Variants in ZER1 observed in about 807,000 individuals in gnomAD.
The protein encoded by ZER1 is zyg-11 related cell cycle regulator, also known as protein zer-1 homolog.
In ZER1, 11 loss-of-function variants were observed where a neutral mutation model predicts 78.8. The ratio of observed to expected loss-of-function variants is 0.14; its 90% confidence interval spans 0.09 to 0.23. ZER1 has a LOEUF of 0.23. ZER1 is among the 10% of genes least tolerant of loss of function. The pLI, the probability that ZER1 is intolerant of heterozygous loss-of-function variation, is 1.00. For synonymous variants in ZER1, 400 were observed against 407.0 expected (o/e 0.98, Z 0.21); for missense variants, 588 against 996.9 (o/e 0.59, Z 5.52).
At chr9:128,758,335 A>G (rs1282974342) in intron 1 of ZER1, among the ~76,000 whole-genome samples, 4 of 152,074 alleles carry the variant, frequency 2.6e-5, no homozygotes, top group African/African-American at 9.7e-5. Context: ...CATGTTGGCC[A>G]GGCTGGTCTC....
At chr9:128,735,761 G>GTTTTTTTT (rs1564391224) in intron 13 of ZER1, among the ~76,000 whole-genome samples, 1 of 26,790 alleles carries the variant, frequency 3.7e-5, no homozygotes, top group African/African-American at 1.2e-4. Flanking sequence ...GTGTGACCTG[G>GTTTTTTTT]TTTTTTTTTT....
rs559294700 is a variant in ZER1 at position 128,748,900 on chromosome 9, G to T, written c.1359+1716C>A. Reference sequence around the variant, plus strand: ...TTTTGTATTTTTTAGTAGAGATGGGGTTTCGCCATGTTGGCCAGGCTGGTC... The same window carrying T: ...TTTTGTATTTTTTAGTAGAGATGGGTTTTCGCCATGTTGGCCAGGCTGGTC... On this transcript the variant is annotated intron_variant, in intron 8 of 15. Coordinates refer to ENST00000291900, the MANE Select transcript of ZER1 (RefSeq NM_006336.4). 3.2e-4 allele frequency among the ~76,000 whole-genome samples: 48 copies of T among 149,722 alleles called. 1 individual carries two copies. In the South Asian group the frequency reaches 9.6e-3, roughly 30 times the overall value.
rs1862805506 is a variant in ZER1, at chr9:128,731,234, C to T, written c.*103G>A. 1 of 1,086,756 alleles carries T rather than the reference C, an allele frequency of 9.2e-7. No individual in the cohort carries two copies. 67.3% of individuals were successfully genotyped at this position (1,086,756 alleles called of 1,614,324 possible). The stretch of plus-strand genomic sequence containing the variant: ...CAAAAGTCCCCCATGTCTCTTCACT[C>T]CGTGGGAGGCTCCCTCGGAAGGGGC... On this transcript the variant is annotated 3_prime_UTR_variant, in exon 16 of 16. Transcript: ENST00000291900.
chr9:128,747,563 CT>C (rs1863534258), intron 8 of ZER1, among the ~76,000 whole-genome samples: 1 of 152,162 alleles, frequency 6.6e-6, no homozygotes, highest in South Asian at 2.1e-4. Context: ...TTAATACATT[CT>C]TGTATCACTT....
chr9:128,768,477 T>G (rs1349193142), intron 1 of ZER1, among the ~76,000 whole-genome samples: 1 of 152,124 alleles, frequency 6.6e-6, no homozygotes, highest in South Asian at 2.1e-4. Flanking sequence ...ATAGGAAAAC[T>G]GAGGCCCAGA....
At chr9:128,769,853 A>C (rs2132501044) in intron 1 of ZER1, among the ~76,000 whole-genome samples, 1 of 152,332 alleles carries the variant, frequency 6.6e-6, no homozygotes, top group South Asian at 2.1e-4. Flanking sequence ...ATCAATGGTC[A>C]TTACAAAGAT....
intron 13 of ZER1, 87 bp from the exon 14 acceptor site, chr9:128,735,518 T>C: frequency 1.5e-6 from 2 of 1,293,982 alleles, no homozygotes; most frequent in Non-Finnish European, 2.1e-6. Flanking sequence ...CACTGGAGAA[T>C]CCTAGTGACC....
chr9:128,767,975 T>TA (rs2132495238), intron 1 of ZER1, among the ~76,000 whole-genome samples: 1 of 152,350 alleles, frequency 6.6e-6, no homozygotes, highest in African/African-American at 2.4e-5. Context: ...TCAAGGTCCT[T>TA]ACCTGTCAGC....
At chr9:128,745,355 T>TA (rs542163034) in intron 8 of ZER1, among the ~76,000 whole-genome samples, 4 of 151,598 alleles carry the variant, frequency 2.6e-5, no homozygotes, top group African/African-American at 7.3e-5. Context: ...TCTGGCCAAT[T>TA]AAAAAAAAAT....
chr9:128,753,941 G>A lies in ZER1; in HGVS notation c.177C>T (p.Asn59=), dbSNP rs774686604. 29 of 1,589,026 alleles carry A rather than the reference G, an allele frequency of 1.8e-5. No individual in the cohort carries two copies. The Admixed American group carries it at 2.9e-4, about 16-fold the overall frequency. ...RLVNEYVELV[N]AACNFEPHES... is the part of the protein sequence containing the mutation. ...CGTGTGGCTCGAAGTTACAGGCAGC[G>A]TTCACCAGCTCCACATACCTGGGAG... Residue 59 remains asparagine (N), a synonymous_variant, in exon 3 of 16, where the codon AAC becomes AAT. Coordinates refer to ENST00000291900, the MANE Select transcript of ZER1 (RefSeq NM_006336.4). This position sits in a 1 kb window ranked among gnomAD's most constrained non-coding sequence, Gnocchi z 7.5.
At chr9:128,762,108 G>A (rs1478360783) in intron 1 of ZER1, among the ~76,000 whole-genome samples, 3 of 150,652 alleles carry the variant, frequency 2.0e-5, no homozygotes, top group Non-Finnish European at 4.4e-5. Flanking sequence ...TGACATTTAT[G>A]GACTTTTTTT....
Position 128,742,643 on chromosome 9 carries a change from G to C in ZER1, c.1462C>G (p.Pro488Ala). The C allele has an allele frequency of 6.2e-7, 1 of 1,614,252 alleles. No homozygotes were observed. The highest frequency in any genetic ancestry group is 8.5e-7 in the Non-Finnish European group (1 of 1,180,054). The change falls in exon 9 of 16, where the codon CCC becomes GCC. Residue 488 changes from proline (P) to alanine (A), a missense_variant. This residue lies in a region of ZER1 where 406 missense variants were observed against 660.1 expected (regional missense o/e 0.62). Coordinates refer to ENST00000291900, the MANE Select transcript of ZER1 (RefSeq NM_006336.4). ...VNELLLSILN[P>A]TRQDESIQRI... is the part of the protein sequence containing the mutation. ...TGGATAGACTCGTCCTGCCGCGTGG[G>C]GTTGAGGATGCTGAGCAGGAGCTCG...
At chr9:128,744,659 A>T (rs1331291571) in intron 8 of ZER1, among the ~76,000 whole-genome samples, 2 of 149,350 alleles carry the variant, frequency 1.3e-5, no homozygotes, top group African/African-American at 5.0e-5. Flanking sequence ...TTGTATTTTT[A>T]GTAGAGACAG....
At chr9:128,759,864 TTTTG>T (rs769980884) in intron 1 of ZER1, among the ~76,000 whole-genome samples, 19 of 152,164 alleles carry the variant, frequency 1.2e-4, no homozygotes, top group Non-Finnish European at 2.2e-4. Flanking sequence ...GTATGTATTT[TTTTG>T]TTTGTTTGTT....
chr9:128,748,067 C>T (rs1167907022), intron 8 of ZER1, among the ~76,000 whole-genome samples: 1 of 152,014 alleles, frequency 6.6e-6, no homozygotes, highest in Non-Finnish European at 1.5e-5. Flanking sequence ...GGCAACACAG[C>T]GAGACCCCGT....
At position 128,732,327 on chromosome 9, in the gene ZER1, G is replaced by A. The variant is rs1862857383; in HGVS notation, c.2244-933C>T. On this transcript the variant is annotated intron_variant, in intron 15 of 15. Transcript: ENST00000291900. The surrounding 1 kb of genome is among the most constrained non-coding windows in gnomAD (Gnocchi z 4.8). ...CAGGGCCACCTCCCACCTCCCGGAT[G>A]TACTGGAAAAGAAAACCTAGGGGTG... 6.6e-6 allele frequency among the ~76,000 whole-genome samples: 1 copy of A among 152,190 alleles called. No individual in the cohort carries two copies. Among genetic ancestry groups the A allele is most frequent in the Non-Finnish European group, 1.5e-5 (1 of 68,030 alleles).
chr9:128,752,772 A>G lies in ZER1; in HGVS notation c.824T>C (p.Val275Ala), dbSNP rs373108962. Residue 275 changes from valine to alanine, a missense_variant, in exon 5 of 16, where the codon GTG (valine) becomes GCG (alanine). Val to Ala is a moderately conservative substitution (Grantham distance 64). Coordinates refer to ENST00000291900, the MANE Select transcript of ZER1 (RefSeq NM_006336.4). ...KLTREVLSLF[V>A]QKLGNLMSLD... Reference sequence around the variant, plus strand: ...GGACATTAGGTTCCCCAGCTTCTGCACAAAGAGGCTCAGCACCTCCCGAGT... The same window carrying G: ...GGACATTAGGTTCCCCAGCTTCTGCGCAAAGAGGCTCAGCACCTCCCGAGT... 2.7e-5 allele frequency: 43 copies of G among 1,614,072 alleles called. No homozygotes were observed. The highest frequency in any genetic ancestry group is 3.5e-5 in the Non-Finnish European group (41 of 1,180,038).
chr9:128,744,985 T>C (rs906857564), intron 8 of ZER1, among the ~76,000 whole-genome samples: 7 of 152,114 alleles, frequency 4.6e-5, no homozygotes, highest in African/African-American at 1.7e-4. Context: ...CTGGTGACCA[T>C]AAGCATGGGT....
intron 13 of ZER1, among the ~76,000 whole-genome samples, chr9:128,735,881 G>A (rs761492450): frequency 5.1e-4 from 71 of 139,302 alleles, no homozygotes; most frequent in Non-Finnish European, 8.6e-4. Context: ...GGGTTCAAGC[G>A]ATTCTCCTGC....
Sources: gnomAD v4.1 joint callset for allele counts (sites outside exome capture counted in the v4.1 genomes callset) on GRCh38, gnomAD v4.1.1 for gene constraint, gnomAD v4.1.1 regional missense constraint, Gnocchi (gnomAD v3.1) non-coding constraint, MANE v1.5 for transcripts, NCBI Gene and HGNC (gene_info 2026-07-23, HGNC 2026-07-21) for gene names.